ZNF208: variants seen among roughly 807,000 people sequenced by gnomAD.
ZNF208 encodes zinc finger protein 208.
Under a neutral mutation model 12.1 loss-of-function variants are expected in ZNF208, and 10 were observed. The observed-to-expected ratio is 0.83, with a 90% CI of 0.51 to 1.40. The LOEUF is 1.40. ZNF208 is among the 40% of genes most tolerant of loss of function. The pLI is 0.00. For missense variants in ZNF208, 1,652 were observed against 1,485.0 expected (o/e 1.11, Z -1.85); for synonymous variants, 497 against 488.4 (o/e 1.02, Z -0.23).
Position 21,974,110 on chromosome 19 carries a change from A to T in ZNF208, c.924T>A (p.Ala308=), listed in dbSNP as rs747254523. ...CTTTACATTTGTAGGGCTTCTCTCC[A>T]GCATGAATTGCCTTATGTGTAGTAA... ...STLTTHKAIH[A]GEKPYKCKEC... The change falls in exon 4 of 4, where the codon GCT becomes GCA. Residue 308 remains alanine (A), a synonymous_variant. Coordinates refer to ENST00000397126, the MANE Select transcript of ZNF208 (RefSeq NM_007153.3). The T allele has an allele frequency of 2.5e-6, 4 of 1,579,410 alleles. No individual in the cohort carries two copies. The South Asian group carries it at 4.6e-5, about 18-fold the overall frequency.
chr19:21,961,585 A>G (rs2145528515), downstream of ZNF208, among the ~76,000 whole-genome samples: 1 of 152,202 alleles, frequency 6.6e-6, no homozygotes, highest in Middle Eastern at 3.4e-3. Flanking sequence ...AATAAGCCTG[A>G]GGGTACTGCA....
chr19:21,985,798 T>C (rs1212768594), intron 3 of ZNF208, among the ~76,000 whole-genome samples: 1 of 152,212 alleles, frequency 6.6e-6, no homozygotes, highest in African/African-American at 2.4e-5. Context: ...TCTGCCCATG[T>C]AGAAACCTAC....
At position 21,973,280 on chromosome 19, in the gene ZNF208, T is replaced by A; in HGVS notation, c.1754A>T (p.Glu585Val). The change falls in exon 4 of 4, where the codon GAA becomes GTA. Residue 585 changes from glutamate (E) to valine (V), a missense_variant. Physicochemically the swap from Glu to Val is moderately radical, Grantham distance 121. This residue lies in a region of ZNF208 where 1,239 missense variants were observed against 1,086.2 expected (regional missense o/e 1.14). Coordinates refer to ENST00000397126, the MANE Select transcript of ZNF208 (RefSeq NM_007153.3). ...AGATTGGTTAAAAGCTTTGCCACAT[T>A]CTTCACATTTGTAGGGTTTCTCTAC... is the stretch of plus-strand genomic sequence containing the variant. Reference protein sequence around the residue: ...HTVEKPYKCEECGKAFNQSAI... With the variant: ...HTVEKPYKCEVCGKAFNQSAI... 6.2e-7 allele frequency: 1 copy of A among 1,611,368 alleles called. No individual in the cohort carries two copies. The highest frequency in any genetic ancestry group is 1.1e-5 in the South Asian group (1 of 91,002).
chr19:22,001,081 G>C (rs1315603831), intron 1 of ZNF208, among the ~76,000 whole-genome samples: 1 of 152,156 alleles, frequency 6.6e-6, no homozygotes, highest in Non-Finnish European at 1.5e-5. Flanking sequence ...CTGAGGTCAG[G>C]AGTTCGAGAC....
downstream of ZNF208, among the ~76,000 whole-genome samples, chr19:21,961,668 C>T (rs768570004): frequency 2.6e-5 from 4 of 151,986 alleles, no homozygotes; most frequent in African/African-American, 4.8e-5. Flanking sequence ...TGTTTATAGA[C>T]CTCCCCTGAG....
chr19:21,956,050 C>T (rs1020598433), intron 4 of ZNF208, among the ~76,000 whole-genome samples: 1 of 152,220 alleles, frequency 6.6e-6, no homozygotes, highest in East Asian at 1.9e-4. Flanking sequence ...AATTTTCCTT[C>T]TAACAGTCAG....
In ZNF208 at chr19:21,971,193, A is replaced by G; in HGVS notation, c.3841T>C (p.Ter1281GlnextTer158). Residue 1281 changes from the stop codon to glutamine (Q), a stop_lost, in exon 4 of 4, where the codon TAG becomes CAG. Transcript: ENST00000397126. ...GCTTTGCCACATTCTTCACATTTCTAGAGTTTCTCTCCAGTATGAATTTTC... is the reference window on the plus strand; with the variant it reads ...GCTTTGCCACATTCTTCACATTTCTGGAGTTTCTCTCCAGTATGAATTTTC... ...HKKIHTGEKL[*>Q] 6.2e-7 allele frequency: 1 copy of G among 1,611,972 alleles called. No homozygotes were observed. The highest frequency in any genetic ancestry group is 8.5e-7 in the Non-Finnish European group (1 of 1,179,578).
chr19:22,006,859 A>G (rs1251142724), intron 1 of ZNF208, among the ~76,000 whole-genome samples: 1 of 152,224 alleles, frequency 6.6e-6, no homozygotes, highest in African/African-American at 2.4e-5. Context: ...AGAGAAGCAA[A>G]TGTATTTATT....
intron 1 of ZNF208, among the ~76,000 whole-genome samples, chr19:22,009,104 A>G (rs1387182034): frequency 2.6e-5 from 4 of 152,218 alleles, no homozygotes; most frequent in Non-Finnish European, 5.9e-5. Flanking sequence ...CGGAAAACAG[A>G]AGAAAAAATA....
rs184378850 is a variant in ZNF208 at position 21,973,360 on chromosome 19, A to G, written c.1674T>C (p.Cys558=). 3.4e-3 allele frequency: 5,536 copies of G among 1,611,324 alleles called. 13 individuals carry two copies. Among genetic ancestry groups the G allele is most frequent in the Non-Finnish European group, 4.2e-3 (4,999 of 1,179,710 alleles). ...TGEKPYKCEE[C]GKAYKWSSTL... is the part of the protein sequence containing the mutation. ...TTGAGGACCACTTATAGGCTTTGCC[A>G]CATTCTTCACATTTGTAGGGTTTCT... The change falls in exon 4 of 4, where the codon TGT becomes TGC. Residue 558 remains cysteine (C), a synonymous_variant. Coordinates refer to ENST00000397126, the MANE Select transcript of ZNF208 (RefSeq NM_007153.3).
Position 21,973,049 on chromosome 19 carries a change from T to A in ZNF208, c.1985A>T (p.Glu662Val), listed in dbSNP as rs1970338174. The stretch of plus-strand genomic sequence containing the variant: ...ACATTCTTTACATTTGTAGGGCTTC[T>A]CTCCAGCATGAATTGCCTTATGTGT... Reference protein sequence around the residue: ...LTTHKAIHAGEKPYKCKECGK... With the variant: ...LTTHKAIHAGVKPYKCKECGK... Residue 662 changes from glutamate (E) to valine (V), a missense_variant, in exon 4 of 4, where the codon GAG (glutamate) becomes GTG (valine). This residue lies in a region of ZNF208 where 1,239 missense variants were observed against 1,086.2 expected (regional missense o/e 1.14). Coordinates refer to ENST00000397126, the MANE Select transcript of ZNF208 (RefSeq NM_007153.3). 1 of 1,613,576 alleles carries A rather than the reference T, an allele frequency of 6.2e-7. No homozygotes were observed. The highest frequency in any genetic ancestry group is 8.5e-7 in the Non-Finnish European group (1 of 1,179,830).
intron 1 of ZNF208, among the ~76,000 whole-genome samples, chr19:22,008,572 A>C (rs538361864): frequency 3.3e-5 from 5 of 149,866 alleles, no homozygotes; most frequent in African/African-American, 9.8e-5. Context: ...TTGTCTTTGG[A>C]GTGCTATTTT....
intron 4 of ZNF208, among the ~76,000 whole-genome samples, chr19:21,946,078 T>C (rs1416474896): frequency 6.6e-6 from 1 of 152,244 alleles, no homozygotes; most frequent in Non-Finnish European, 1.5e-5. Flanking sequence ...ATGTCTGCTC[T>C]TTGCATAGTC....
At chr19:21,965,635 A>G (rs372704511), downstream of ZNF208, 22 of 152,108 alleles carry the variant, frequency 1.4e-4, no homozygotes, top group African/African-American at 5.3e-4. Context: ...TGGAATGAGC[A>G]TTTGCAGCAC....
At position 21,966,600 on chromosome 19, in the gene ZNF208, A is replaced by T. The variant is rs1266174270; in HGVS notation, c.*4591T>A. ...TGGTGTCTCTTTGGCAAAATTATTTATTCTTTTTGGGGGCAGATATCCAGT... is the reference window on the plus strand; with the variant it reads ...TGGTGTCTCTTTGGCAAAATTATTTTTTCTTTTTGGGGGCAGATATCCAGT... On this transcript the variant is annotated 3_prime_UTR_variant, in exon 4 of 4. Transcript: ENST00000397126. 1 of 152,098 alleles carries T rather than the reference A, an allele frequency of 6.6e-6. No homozygotes were observed. The highest frequency in any genetic ancestry group is 1.5e-5 in the Non-Finnish European group (1 of 67,988). The allele number at this position is 152,098 out of a possible 1,614,324, so 9.4% of individuals were successfully genotyped here. A position where few individuals can be genotyped will look rare whatever the true frequency, so the allele number is the denominator to read the frequency against.
At position 21,956,805 on chromosome 19, in the gene ZNF208, C is replaced by A. The variant is rs371868460; in HGVS notation, c.305+17924G>T. Among the ~76,000 whole-genome samples the A allele has an allele frequency of 2.0e-3, 300 of 152,246 alleles. 1 individual carries two copies. The highest frequency in any genetic ancestry group is 6.8e-3 in the African/African-American group (281 of 41,560). On this transcript the variant is annotated intron_variant, in intron 4 of 4. Transcript: ENST00000599916. ...ACTTTCCAGCTGTGGTGATGTCCCA[C>A]CCTGCTTCGGCTCACACTCCATAGG...
chr19:21,989,544 C>T (rs537540267), intron 1 of ZNF208, among the ~76,000 whole-genome samples: 92 of 152,050 alleles, frequency 6.1e-4, no homozygotes, highest in African/African-American at 2.0e-3. Flanking sequence ...AATAAACATA[C>T]GTGTGCATGT....
chr19:21,970,853 T>C lies in ZNF208; in HGVS notation c.*338A>G, dbSNP rs1328269692. On this transcript the variant is annotated 3_prime_UTR_variant, in exon 4 of 4. Transcript: ENST00000397126. ...TGAAGGCTTTGCCACTTTCTTCACATTTGTAGGGTTTCTCTCCAGTATGAA... is the reference window on the plus strand; with the variant it reads ...TGAAGGCTTTGCCACTTTCTTCACACTTGTAGGGTTTCTCTCCAGTATGAA... 1.9e-5 allele frequency: 28 copies of C among 1,503,064 alleles called. No individual in the cohort carries two copies. Among genetic ancestry groups the C allele is most frequent in the Non-Finnish European group, 2.3e-5 (25 of 1,081,784 alleles). The allele number at this position is 1,503,064 out of a possible 1,614,324, so 93.1% of individuals were successfully genotyped here. A position where few individuals can be genotyped will look rare whatever the true frequency, so the allele number is the denominator to read the frequency against.
chr19:21,941,514 C>T (rs536043271), intron 4 of ZNF208: 1 of 393,236 alleles, frequency 2.5e-6, no homozygotes, highest in South Asian at 1.3e-4. Context: ...AGGTGATTCT[C>T]AACACAAGTG....
Sources: gnomAD v4.1 joint callset for allele counts (sites outside exome capture counted in the v4.1 genomes callset) on GRCh38, gnomAD v4.1.1 for gene constraint, gnomAD v4.1.1 regional missense constraint, MANE v1.5 for transcripts, NCBI Gene and HGNC (gene_info 2026-07-23, HGNC 2026-07-21) for gene names.